STK11: variants seen among roughly 807,000 people sequenced by gnomAD.
STK11 encodes the protein serine/threonine-protein kinase STK11.
In STK11, 8 loss-of-function variants were observed where a neutral mutation model predicts 47.3. That is an observed-to-expected ratio of 0.17 (90% confidence interval 0.10 to 0.31). The LOEUF is 0.31. Among genes scored for constraint, STK11 ranks in the 10% least tolerant of loss-of-function variants. The probability of loss-of-function intolerance (pLI) is 1.00; values close to 1 mark genes in which losing one functional copy is unlikely to be tolerated. For missense variants in STK11, 475 were observed against 605.0 expected, an observed-to-expected ratio of 0.79 and a Z score of 2.25; for synonymous variants, 330 against 255.8, an observed-to-expected ratio of 1.29 and a Z score of -2.77.
chr19:1,218,579 T>C (rs1377040811), intron 2 of STK11, 79 bp downstream of exon 2: 5 of 1,227,504 alleles, frequency 4.1e-6, no homozygotes, highest in Non-Finnish European at 6.0e-6. Context: ...CGAGGCCTGC[T>C]CCTCTTCCCG....
At chr19:1,224,997 T>C in intron 8 of STK11, 4 of 985,596 alleles carry the variant, frequency 4.1e-6, no homozygotes, top group Non-Finnish European at 4.8e-6. Flanking sequence ...CCGGGGCTGC[T>C]GCATCGGCCT....
At chr19:1,212,268 AAC>A (rs2080716484) in intron 1 of STK11, among the ~76,000 whole-genome samples, 1 of 139,016 alleles carries the variant, frequency 7.2e-6, no homozygotes, top group Non-Finnish European at 1.5e-5. Flanking sequence ...CAATTTTCTT[AAC>A]ACCTTTTTTT....
At chr19:1,213,286 C>T (rs1053959600) in intron 1 of STK11, among the ~76,000 whole-genome samples, 4 of 152,032 alleles carry the variant, frequency 2.6e-5, no homozygotes, top group Non-Finnish European at 4.4e-5. Flanking sequence ...TGTGAGCCAC[C>T]GCACCCGGCA....
At chr19:1,214,135 C>A (rs1022317149) in intron 1 of STK11, among the ~76,000 whole-genome samples, 2 of 152,224 alleles carry the variant, frequency 1.3e-5, no homozygotes, top group Non-Finnish European at 2.9e-5. Flanking sequence ...TCCTGTTCCT[C>A]GCCAAGCTCT....
chr19:1,222,236 C>T (rs966390938), intron 7 of STK11, among the ~76,000 whole-genome samples: 4 of 152,206 alleles, frequency 2.6e-5, no homozygotes, highest in African/African-American at 9.6e-5. Context: ...TGAGGACATG[C>T]GTCCGTCCCT....
rs587782783 is a variant in STK11, at chr19:1,218,436, A to T, written c.310A>T (p.Arg104Trp). ...NVKKEIQLLR[R>W]LRHKNVIQLV... ...TCCCAGGGAAATTCAACTACTGAGG[A>T]GGTTACGGCACAAAAATGTCATCCA... Residue 104 changes from arginine (R) to tryptophan (W), a missense_variant, in exon 2 of 10, where the codon AGG (arginine) becomes TGG (tryptophan). Coordinates refer to ENST00000326873, the MANE Select transcript of STK11 (RefSeq NM_000455.5). The T allele has an allele frequency of 1.9e-6, 3 of 1,613,506 alleles. No individual in the cohort carries two copies. Among genetic ancestry groups the T allele is most frequent in the Non-Finnish European group, 2.5e-6 (3 of 1,179,796 alleles).
chr19:1,208,141 G>A (rs1174468276), intron 1 of STK11, among the ~76,000 whole-genome samples: 2 of 152,034 alleles, frequency 1.3e-5, no homozygotes, highest in African/African-American at 4.8e-5. Flanking sequence ...AGGCCTCGAG[G>A]GACTGGCAAG....
At chr19:1,226,383 G>C in intron 8 of STK11, 71 bp from the exon 9 acceptor site, 1 of 1,561,914 alleles carries the variant, frequency 6.4e-7, no homozygotes, top group Non-Finnish European at 8.7e-7. Context: ...CCGTGGTGGG[G>C]GCCAGCCAGG....
At chr19:1,207,333 C>T (rs1289031256) in intron 1 of STK11, 130 bp downstream of exon 1, 1 of 1,268,532 alleles carries the variant, frequency 7.9e-7, no homozygotes, top group East Asian at 2.6e-5. Flanking sequence ...CCGTCTGGCG[C>T]CTGTGTCCTC....
In STK11 at chr19:1,219,429, A is replaced by G. The variant is rs2080766391; in HGVS notation, c.464+16A>G. On this transcript the variant is annotated intron_variant, in intron 3 of 9. Transcript: ENST00000326873. ...AGGCCCACGGGTGCGTGCGCGGGGC[A>G]GGGGCCAGGGTGGGGCGGGGGCCGG... 3 of 865,284 alleles carry G rather than the reference A, an allele frequency of 3.5e-6. No individual in the cohort carries two copies. The highest frequency in any genetic ancestry group is 5.7e-5 in the East Asian group (1 of 17,408). The allele number at this position is 865,284 out of a possible 1,614,324, so 53.6% of individuals were successfully genotyped here.
chr19:1,209,294 G>C (rs1003818450), intron 1 of STK11, among the ~76,000 whole-genome samples: 1 of 152,214 alleles, frequency 6.6e-6, no homozygotes, highest in East Asian at 1.9e-4. Context: ...AGAAACCCAC[G>C]CTTAGGGGCC....
At position 1,226,682 on chromosome 19, in the gene STK11, C is replaced by G. The variant is rs1040395243; in HGVS notation, c.*16+19C>G. On this transcript the variant is annotated intron_variant, in intron 9 of 9. Transcript: ENST00000326873. Reference sequence around the variant, plus strand: ...CCTGCAGGTGGGGCGCGGCGGGGCCCGGGTGGGGCATGTGGGGACAACGCC... The same window carrying G: ...CCTGCAGGTGGGGCGCGGCGGGGCCGGGGTGGGGCATGTGGGGACAACGCC... The G allele has an allele frequency of 3.4e-6, 5 of 1,475,116 alleles. No homozygotes were observed. Among genetic ancestry groups the G allele is most frequent in the Non-Finnish European group, 3.6e-6 (4 of 1,118,704 alleles). The allele number at this position is 1,475,116 out of a possible 1,614,324, so 91.4% of individuals were successfully genotyped here. A position where few individuals can be genotyped will look rare whatever the true frequency, so the allele number is the denominator to read the frequency against.
rs370677326 is a variant in STK11 at position 1,207,929 on chromosome 19, C to G, written c.290+726C>G. Reference sequence around the variant, plus strand: ...GCCTCTGCATCTGTGCGCGGAGAAGCTCCTACCTAGGGCAGCACTGGCCGG... The same window carrying G: ...GCCTCTGCATCTGTGCGCGGAGAAGGTCCTACCTAGGGCAGCACTGGCCGG... On this transcript the variant is annotated intron_variant, in intron 1 of 9. Coordinates refer to ENST00000326873, the MANE Select transcript of STK11 (RefSeq NM_000455.5). Among the ~76,000 whole-genome samples the G allele has an allele frequency of 3.3e-4, 50 of 152,326 alleles. 1 individual carries two copies. In the East Asian group the frequency reaches 7.3e-3, roughly 22 times the overall value.
chr19:1,222,088 A>C, intron 7 of STK11, 82 bp downstream of exon 7: 1 of 1,490,458 alleles, frequency 6.7e-7, no homozygotes, highest in Admixed American at 2.0e-5. Flanking sequence ...GCGCTAGAGC[A>C]GGGCGTGGTG....
chr19:1,212,572 T>C (rs949221566), intron 1 of STK11, among the ~76,000 whole-genome samples: 1 of 151,926 alleles, frequency 6.6e-6, no homozygotes, highest in Non-Finnish European at 1.5e-5. Flanking sequence ...ATTTACTTAT[T>C]TATTTATTTT....
In STK11 at chr19:1,227,783, C is replaced by G; in HGVS notation, c.*207C>G. The stretch of plus-strand genomic sequence containing the variant: ...CAGCCCTCCCCCCTCGGCCGCCCGG[C>G]AGTGCACGCGGCTTGTTGACTTCGC... On this transcript the variant is annotated 3_prime_UTR_variant, in exon 10 of 10. Coordinates refer to ENST00000326873, the MANE Select transcript of STK11 (RefSeq NM_000455.5). 9.3e-7 allele frequency: 1 copy of G among 1,074,642 alleles called. No individual in the cohort carries two copies. Among genetic ancestry groups the G allele is most frequent in the Non-Finnish European group, 1.1e-6 (1 of 884,962 alleles). The allele number at this position is 1,074,642 out of a possible 1,614,324, so 66.6% of individuals were successfully genotyped here. A position where few individuals can be genotyped will look rare whatever the true frequency, so the allele number is the denominator to read the frequency against.
chr19:1,215,507 C>A (rs999479401), intron 1 of STK11, among the ~76,000 whole-genome samples: 1 of 152,248 alleles, frequency 6.6e-6, no homozygotes, highest in Non-Finnish European at 1.5e-5. Flanking sequence ...TTCCCTTCAT[C>A]CTGCTCTCCT....
chr19:1,221,551 TC>T, intron 6 of STK11: 1 of 753,722 alleles, frequency 1.3e-6, no homozygotes. Flanking sequence ...CCCTCCGAAC[TC>T]CCACCCCAGA....
In STK11 at chr19:1,207,119, C is replaced by T. The variant is rs1473347455; in HGVS notation, c.206C>T (p.Ser69Leu). Residue 69 changes from serine (S) to leucine (L), a missense_variant, in exon 1 of 10, where the codon TCG becomes TTG. Coordinates refer to ENST00000326873, the MANE Select transcript of STK11 (RefSeq NM_000455.5). Reference protein sequence around the residue: ...SYGKVKEVLDSETLCRRAVKI... With the variant: ...SYGKVKEVLDLETLCRRAVKI... Reference sequence around the variant, plus strand: ...GGCAAGGTGAAGGAGGTGCTGGACTCGGAGACGCTGTGCAGGAGGGCCGTC... The same window carrying T: ...GGCAAGGTGAAGGAGGTGCTGGACTTGGAGACGCTGTGCAGGAGGGCCGTC... The T allele has an allele frequency of 6.2e-7, 1 of 1,613,810 alleles. No homozygotes were observed. Among genetic ancestry groups the T allele is most frequent in the South Asian group, 1.1e-5 (1 of 91,062 alleles).
Sources: allele counts gnomAD v4.1 joint callset (sites outside exome capture counted in the v4.1 genomes callset), GRCh38; gene constraint gnomAD v4.1.1; transcripts MANE v1.5; gene names NCBI Gene and HGNC (gene_info 2026-07-23, HGNC 2026-07-21).